The following SULF2 variants were observed in gnomAD, a reference collection of about 807,000 sequenced individuals.
The protein encoded by SULF2 is sulfatase 2.
A neutral mutation model predicts 107.7 loss-of-function variants in SULF2; 52 were observed. The ratio of observed to expected loss-of-function variants is 0.48; its 90% confidence interval spans 0.39 to 0.61. The LOEUF is 0.61. SULF2 is among the 20% of genes least tolerant of loss of function. SULF2 has a pLI of 0.00. For missense variants in SULF2, 993 were observed against 1,177.3 expected (o/e 0.84, Z 2.29); for synonymous variants, 460 against 464.3 (o/e 0.99, Z 0.12).
At chr20:47,713,053 G>T (rs759509294) in intron 3 of SULF2, among the ~76,000 whole-genome samples, 4 of 151,902 alleles carry the variant, frequency 2.6e-5, no homozygotes, top group African/African-American at 7.3e-5. Context: ...GGGCAGGGGT[G>T]GGGGGAGAAA....
chr20:47,740,437 C>T (rs2089850579), intron 2 of SULF2, among the ~76,000 whole-genome samples: 1 of 152,148 alleles, frequency 6.6e-6, no homozygotes, highest in Non-Finnish European at 1.5e-5. Flanking sequence ...GAAGGGGGTC[C>T]TCTAGTGGTG....
At chr20:47,764,692 G>A (rs901475493) in intron 1 of SULF2, among the ~76,000 whole-genome samples, 1 of 152,150 alleles carries the variant, frequency 6.6e-6, no homozygotes, top group Non-Finnish European at 1.5e-5. Context: ...GTGACAATGG[G>A]GTGGACCAAG....
chr20:47,663,740 G>T, intron 15 of SULF2, 118 bp from the exon 16 acceptor site: 1 of 1,206,258 alleles, frequency 8.3e-7, no homozygotes, highest in Non-Finnish European at 1.1e-6. Context: ...AGAGCCATGG[G>T]CATAGCAATT....
Position 47,678,522 on chromosome 20 carries a change from C to CTCCCACGGGGACCATGCTTCTT in SULF2, c.1193+153_1193+154insAAGAAGCATGGTCCCCGTGGGA. 1 of 956,588 alleles carries CTCCCACGGGGACCATGCTTCTT rather than the reference C, an allele frequency of 1.0e-6. No individual in the cohort carries two copies. The allele number at this position is 956,588 out of a possible 1,614,324, so 59.3% of individuals were successfully genotyped here. A position where few individuals can be genotyped will look rare whatever the true frequency, so the allele number is the denominator to read the frequency against. On this transcript the variant is annotated intron_variant, in intron 8 of 20. Coordinates refer to ENST00000688720, the MANE Select transcript of SULF2 (RefSeq NM_001387048.1). The surrounding 1 kb of genome is among the most constrained non-coding windows in gnomAD (Gnocchi z 4.5). ...ATCTCGGAGAGGGGACCATGCTTCT[C>CTCCCACGGGGACCATGCTTCTT]TCCCACAGCAGGTAAGTGGTTGGCA...
intron 1 of SULF2, among the ~76,000 whole-genome samples, chr20:47,770,656 A>G (rs889903474): frequency 6.6e-6 from 1 of 152,228 alleles, no homozygotes; most frequent in African/African-American, 2.4e-5. Flanking sequence ...TGCGCAGGAC[A>G]TGGCAGGAAG....
At chr20:47,720,596 G>GTGAT (rs996207812) in intron 3 of SULF2, among the ~76,000 whole-genome samples, 2 of 148,848 alleles carry the variant, frequency 1.3e-5, no homozygotes, top group African/African-American at 5.0e-5. Flanking sequence ...GGTATTTTTG[G>GTGAT]TTAAATTTCC....
intron 1 of SULF2, among the ~76,000 whole-genome samples, chr20:47,764,778 T>C (rs967222513): frequency 6.6e-6 from 1 of 151,836 alleles, no homozygotes; most frequent in Non-Finnish European, 1.5e-5. Context: ...GGGCTGTCAT[T>C]TGCAACAGGG....
intron 6 of SULF2, among the ~76,000 whole-genome samples, chr20:47,683,641 T>C (rs545890988): frequency 3.9e-5 from 6 of 152,356 alleles, no homozygotes; most frequent in African/African-American, 1.4e-4. Flanking sequence ...GTCTGCACTG[T>C]CCGATATGGA....
At chr20:47,738,219 G>A (rs765873493) in intron 2 of SULF2, among the ~76,000 whole-genome samples, 1 of 152,254 alleles carries the variant, frequency 6.6e-6, no homozygotes, top group Non-Finnish European at 1.5e-5. Flanking sequence ...CAGCACTGCT[G>A]CCGTGTGTGA....
At chr20:47,750,099 A>G (rs2090129010) in intron 2 of SULF2, among the ~76,000 whole-genome samples, 1 of 152,234 alleles carries the variant, frequency 6.6e-6, no homozygotes, top group Non-Finnish European at 1.5e-5. Flanking sequence ...CTCCTGCCTC[A>G]GCCTCCCGAG....
chr20:47,761,306 T>C lies in SULF2; in HGVS notation c.-100-3843A>G, dbSNP rs1006460052. On this transcript the variant is annotated intron_variant, in intron 1 of 20. Transcript: ENST00000688720. ...ATGTGAATTCTGCCCTCCCTCACCG[T>C]TCAATGTGGGCTTCTCATCACGAAA... 2.6e-5 allele frequency among the ~76,000 whole-genome samples: 4 copies of C among 152,222 alleles called. No homozygotes were observed. The South Asian group carries it at 8.3e-4, about 32-fold the overall frequency.
At chr20:47,727,303 C>CA (rs2089470899) in intron 3 of SULF2, among the ~76,000 whole-genome samples, 1 of 152,102 alleles carries the variant, frequency 6.6e-6, no homozygotes. Context: ...GAGGGACCCA[C>CA]AGGGAGGAGG....
At chr20:47,751,351 A>G (rs1470931955) in intron 2 of SULF2, among the ~76,000 whole-genome samples, 1 of 152,150 alleles carries the variant, frequency 6.6e-6, no homozygotes, top group African/African-American at 2.4e-5. Context: ...GGTTGGCTCC[A>G]GTCCTGGCTC....
At chr20:47,675,358 G>A (rs1447155186) in intron 10 of SULF2, among the ~76,000 whole-genome samples, 1 of 152,172 alleles carries the variant, frequency 6.6e-6, no homozygotes, top group Non-Finnish European at 1.5e-5. Context: ...CAAGCGGGGG[G>A]ACGCATTCAT....
At chr20:47,711,052 C>T (rs935925015) in intron 3 of SULF2, among the ~76,000 whole-genome samples, 4 of 152,204 alleles carry the variant, frequency 2.6e-5, no homozygotes, top group East Asian at 1.9e-4. Context: ...GGGGCACACA[C>T]GGCATCACTG....
chr20:47,682,396 C>T (rs552928185), intron 7 of SULF2, among the ~76,000 whole-genome samples: 10 of 152,326 alleles, frequency 6.6e-5, no homozygotes, highest in Non-Finnish European at 8.8e-5. Flanking sequence ...ATATCCCAGC[C>T]GATCCAAGGA....
intron 1 of SULF2, among the ~76,000 whole-genome samples, chr20:47,772,242 G>T (rs62202161): frequency 1.3e-5 from 2 of 152,304 alleles, no homozygotes; most frequent in South Asian, 2.1e-4. Context: ...CATTACTGCC[G>T]CGTGGGCAGG....
chr20:47,658,833 TAAAG>T (rs1428913655), intron 20 of SULF2, among the ~76,000 whole-genome samples: 1 of 152,214 alleles, frequency 6.6e-6, no homozygotes, highest in Non-Finnish European at 1.5e-5. Context: ...ATGATAATGA[TAAAG>T]AATTCTCACA....
At position 47,678,870 on chromosome 20, in the gene SULF2, G is replaced by C; in HGVS notation, c.1065-66C>G. 7.0e-7 allele frequency: 1 copy of C among 1,421,862 alleles called. No homozygotes were observed. The highest frequency in any genetic ancestry group is 9.8e-7 in the Non-Finnish European group (1 of 1,019,110). The allele number at this position is 1,421,862 out of a possible 1,614,324, so 88.1% of individuals were successfully genotyped here. Reference sequence around the variant, plus strand: ...GTGGTGCCTCAGCCTCGCGTGGGGGGTGGGGAGCGGTAGGTGGGCAGCAGT... The same window carrying C: ...GTGGTGCCTCAGCCTCGCGTGGGGGCTGGGGAGCGGTAGGTGGGCAGCAGT... On this transcript the variant is annotated intron_variant, in intron 7 of 20. Coordinates refer to ENST00000688720, the MANE Select transcript of SULF2 (RefSeq NM_001387048.1). This position sits in a 1 kb window ranked among gnomAD's most constrained non-coding sequence, Gnocchi z 4.5.
Sources: allele counts gnomAD v4.1 joint callset (sites outside exome capture counted in the v4.1 genomes callset), GRCh38; gene constraint gnomAD v4.1.1; non-coding constraint Gnocchi (gnomAD v3.1); transcripts MANE v1.5; gene names NCBI Gene and HGNC (gene_info 2026-07-23, HGNC 2026-07-21).